TONSL: variants seen among roughly 807,000 people sequenced by gnomAD.
TONSL encodes tonsoku-like protein.
A neutral mutation model predicts 147.1 loss-of-function variants in TONSL; 112 were observed. The ratio of observed to expected loss-of-function variants is 0.76; its 90% CI spans 0.65 to 0.89. The LOEUF is 0.89. Ranked by LOEUF, TONSL falls within the 40% of genes least tolerant of loss-of-function variation. TONSL has a pLI of 0.00. For synonymous variants in TONSL, 868 were observed against 801.5 expected, an observed-to-expected ratio of 1.08 and a Z score of -1.40; for missense variants, 1,883 against 1,864.6, an observed-to-expected ratio of 1.01 and a Z score of -0.18.
At chr8:144,439,970 A>T in intron 11 of TONSL, 51 bp downstream of exon 11, 1 of 809,184 alleles carries the variant, frequency 1.2e-6, no homozygotes, top group Non-Finnish European at 2.2e-6. Flanking sequence ...ACCCCTCTCC[A>T]GCCCGGCCCA....
At chr8:144,434,963 C>G in intron 19 of TONSL, 54 bp downstream of exon 19, 1 of 1,610,990 alleles carries the variant, frequency 6.2e-7, no homozygotes, top group Non-Finnish European at 8.5e-7. Context: ...CCATGAGCCA[C>G]CCGGGGGCTC....
rs1554879248 is a variant in TONSL at position 144,433,713 on chromosome 8, C to T, written c.3434G>A (p.Cys1145Tyr). The part of the protein sequence containing the change: ...DLSMNPLGDG[C>Y]GQSLASLLHA... ...CAGGAGGGAGGCCAGGGACTGGCCACAGCCGTCCCCCAGGGGGTTCATGCT... is the reference window on the plus strand; with the variant it reads ...CAGGAGGGAGGCCAGGGACTGGCCATAGCCGTCCCCCAGGGGGTTCATGCT... Residue 1145 changes from cysteine (C) to tyrosine (Y), a missense_variant, in exon 22 of 26, where the codon TGT becomes TAT. Transcript: ENST00000409379. The T allele has an allele frequency of 6.2e-7, 1 of 1,608,006 alleles. No individual in the cohort carries two copies. The highest frequency in any genetic ancestry group is 8.5e-7 in the Non-Finnish European group (1 of 1,177,746).
rs762740073 is a variant in TONSL, at chr8:144,435,188, C to T, written c.2853-18G>A. 2 of 1,488,608 alleles carry T rather than the reference C, an allele frequency of 1.3e-6. No homozygotes were observed. Among genetic ancestry groups the T allele is most frequent in the Admixed American group, 2.2e-5 (1 of 44,606 alleles). 92.2% of individuals were successfully genotyped at this position (1,488,608 alleles called of 1,614,324 possible). The stretch of plus-strand genomic sequence containing the variant: ...TGTCACTGCTGCAGGGACAGAGGCG[C>T]TGCTGCTGCTGCCTGCACACAGCCG... On this transcript the variant is annotated intron_variant, in intron 18 of 25. Transcript: ENST00000409379.
At position 144,432,426 on chromosome 8, in the gene TONSL, G is replaced by A. The variant is rs148092586; in HGVS notation, c.3594C>T (p.Tyr1198=). The change falls in exon 23 of 26, where the codon TAC becomes TAT. Residue 1198 remains tyrosine, a synonymous_variant. Coordinates refer to ENST00000409379, the MANE Select transcript of TONSL (RefSeq NM_013432.5). The part of the protein sequence containing the change: ...AEHLKTLSLS[Y]NALGAPALAR... ...CCAGGGCAGGGGCTCCCAGGGCGTT[G>A]TAGGACAGGGACAGGGTCTTCAGGT... The A allele has an allele frequency of 4.2e-4, 670 of 1,580,366 alleles. No homozygotes were observed. Among genetic ancestry groups the A allele is most frequent in the Non-Finnish European group, 5.3e-4 (616 of 1,166,108 alleles).
At chr8:144,442,568 G>T in intron 5 of TONSL, 109 bp downstream of exon 5, 1 of 1,511,652 alleles carries the variant, frequency 6.6e-7, no homozygotes. Flanking sequence ...GGGGGGATGA[G>T]GCCCAGCCAG....
rs782563691 is a variant in TONSL at position 144,432,321 on chromosome 8, C to T, written c.3699G>A (p.Ser1233=). Residue 1233 remains serine (S), a synonymous_variant, in exon 23 of 26, where the codon TCG becomes TCA. Coordinates refer to ENST00000409379, the MANE Select transcript of TONSL (RefSeq NM_013432.5). ...ATCGGAATACAGGCTCCATGAGGTC[C>T]GAATCACCCTTGCCGGCTGCCACGG... ...LSSVAAGKGD[S]DLMEPVFRYL... The T allele has an allele frequency of 9.3e-6, 15 of 1,613,628 alleles. No individual in the cohort carries two copies. The highest frequency in any genetic ancestry group is 3.3e-4 in the Middle Eastern group (2 of 6,082).
At chr8:144,437,906 T>C (rs1586691255) in intron 13 of TONSL, among the ~76,000 whole-genome samples, 1 of 152,136 alleles carries the variant, frequency 6.6e-6, no homozygotes, top group Non-Finnish European at 1.5e-5. Flanking sequence ...GTACCCGGCC[T>C]GTGGCTTTTC....
chr8:144,430,265 T>G (rs1823127524), intron 25 of TONSL, 139 bp downstream of exon 25: 1 of 1,082,020 alleles, frequency 9.2e-7, no homozygotes. Flanking sequence ...CTCTGCCCCC[T>G]GCTGCCCCAG....
At chr8:144,441,827 T>C in intron 7 of TONSL, 1 of 535,874 alleles carries the variant, frequency 1.9e-6, no homozygotes, top group Non-Finnish European at 3.3e-6. Context: ...CCTGACACAC[T>C]GTGTTGAGCT....
chr8:144,442,029 A>G lies in TONSL; in HGVS notation c.865+8T>C. ...CTCCCAGGGCCCCATTCGCACCCCC[A>G]GGCTCACCATGCTGGAGGTTCTGAC... On this transcript the variant is annotated splice_region_variant and intron_variant, in intron 7 of 25. Coordinates refer to ENST00000409379, the MANE Select transcript of TONSL (RefSeq NM_013432.5). The G allele has an allele frequency of 6.2e-7, 1 of 1,611,772 alleles. No homozygotes were observed. Among genetic ancestry groups the G allele is most frequent in the East Asian group, 2.2e-5 (1 of 44,848 alleles).
Position 144,430,519 on chromosome 8 carries a change from G to C in TONSL, c.3828C>G (p.Pro1276=), listed in dbSNP as rs1554878425. The C allele has an allele frequency of 1.8e-5, 29 of 1,612,350 alleles. No individual in the cohort carries two copies. Among genetic ancestry groups the C allele is most frequent in the Non-Finnish European group, 2.4e-5 (28 of 1,179,264 alleles). ...CAGACAGATCCAGTGAGATGAGTGA[G>C]GGGCACAGAGAGAGACATCTGAGAT... The part of the protein sequence containing the change: ...RDLCRCLSLC[P]SLISLDLSAN... The change falls in exon 25 of 26, where the codon CCC becomes CCG. Residue 1276 remains proline (P), a synonymous_variant. Transcript: ENST00000409379.
rs1823408937 is a variant in TONSL, at chr8:144,435,530, G to A, written c.2796C>T (p.Pro932=). 2.6e-6 allele frequency: 4 copies of A among 1,551,166 alleles called. No individual in the cohort carries two copies. The highest frequency in any genetic ancestry group is 3.9e-5 in the Admixed American group (2 of 50,982). ...CCTGAACTTGAACTCGAACCCGGATGGGAGGGGGCGGGGCCGGACCCTGGC... is the reference window on the plus strand; with the variant it reads ...CCTGAACTTGAACTCGAACCCGGATAGGAGGGGGCGGGGCCGGACCCTGGC... ...GQPLGPAPPP[P]IRVRVQVQDH... is the part of the protein sequence containing the mutation. The change falls in exon 18 of 26, where the codon CCC becomes CCT. Residue 932 remains proline, a synonymous_variant. Coordinates refer to ENST00000409379, the MANE Select transcript of TONSL (RefSeq NM_013432.5).
In TONSL at chr8:144,433,572, T is replaced by C. The variant is rs1181015624; in HGVS notation, c.3559+16A>G. The C allele has an allele frequency of 6.2e-7, 1 of 1,611,918 alleles. No homozygotes were observed. The highest frequency in any genetic ancestry group is 1.3e-5 in the African/African-American group (1 of 74,822). The stretch of plus-strand genomic sequence containing the variant: ...CCAGGGCTAGGGAGTGGACAGGGAG[T>C]GCCTGGTCAGCTCACCTTGGAAAGC... On this transcript the variant is annotated intron_variant, in intron 22 of 25. Transcript: ENST00000409379.
At chr8:144,441,278 G>T in intron 7 of TONSL, 167 bp from the exon 8 acceptor site, 1 of 1,017,476 alleles carries the variant, frequency 9.8e-7, no homozygotes, top group Non-Finnish European at 1.4e-6. Context: ...CTGGTCTCAA[G>T]GGTCACAAGA....
At position 144,440,085 on chromosome 8, in the gene TONSL, C is replaced by T; in HGVS notation, c.1416G>A (p.Glu472=). Reference sequence around the variant, plus strand: ...CGCTCTCCGCTGTGGCTGCCGCCTCCTCCGCCTCCTCCTCCTCATCTTCAT... The same window carrying T: ...CGCTCTCCGCTGTGGCTGCCGCCTCTTCCGCCTCCTCCTCCTCATCTTCAT... ...AEDEDEEEEA[E]EAAATAESEA... is the part of the protein sequence containing the mutation. Residue 472 remains glutamate (E), a synonymous_variant, in exon 11 of 26, where the codon GAG becomes GAA. Coordinates refer to ENST00000409379, the MANE Select transcript of TONSL (RefSeq NM_013432.5). 1.9e-6 allele frequency: 3 copies of T among 1,605,722 alleles called. No homozygotes were observed. Among genetic ancestry groups the T allele is most frequent in the Non-Finnish European group, 2.6e-6 (3 of 1,174,104 alleles).
intron 20 of TONSL, 149 bp downstream of exon 20, chr8:144,434,662 C>G: frequency 2.4e-6 from 2 of 818,230 alleles, no homozygotes; most frequent in South Asian, 3.7e-5. Context: ...TCCACCCACA[C>G]ATCCAAGTGC....
chr8:144,429,151 G>T lies in TONSL; in HGVS notation c.4129C>A (p.Arg1377Ser). Residue 1377 changes from arginine (R) to serine (S), a missense_variant, in exon 26 of 26, where the codon CGC becomes AGC. Physicochemically the swap from Arg to Ser is moderately radical, Grantham distance 110. Transcript: ENST00000409379. ...GAAAGGCAGCGCCAGGGTCAGAGGC[G>T]CCGAAAGAAGAGCTTGGAGCCGTGG... ...LDHGSKLFFR[R>S]L 1 of 1,529,444 alleles carries T rather than the reference G, an allele frequency of 6.5e-7. No homozygotes were observed. Among genetic ancestry groups the T allele is most frequent in the Non-Finnish European group, 8.7e-7 (1 of 1,143,584 alleles). 94.7% of individuals were successfully genotyped at this position (1,529,444 alleles called of 1,614,324 possible). A position where few individuals can be genotyped will look rare whatever the true frequency, so the allele number is the denominator to read the frequency against.
At chr8:144,441,952 G>A (rs1823734167) in intron 7 of TONSL, 85 bp downstream of exon 7, 4 of 1,210,982 alleles carry the variant, frequency 3.3e-6, no homozygotes, top group Non-Finnish European at 4.8e-6. Flanking sequence ...AGAGAGCCCT[G>A]TACACACCTG....
chr8:144,440,834 C>T lies in TONSL; in HGVS notation c.1048G>A (p.Glu350Lys), dbSNP rs1325053830. 6.2e-7 allele frequency: 1 copy of T among 1,612,926 alleles called. No homozygotes were observed. Among genetic ancestry groups the T allele is most frequent in the South Asian group, 1.1e-5 (1 of 91,088 alleles). The stretch of plus-strand genomic sequence containing the variant: ...AGGGACACGTGGATGATGGCCCGCT[C>T]AGCACCCGGTCTGTCCAGCAGCTCA... Reference protein sequence around the residue: ...FAELLDRPGAERAIIHVSLAT... With the variant: ...FAELLDRPGAKRAIIHVSLAT... Residue 350 changes from glutamate to lysine, a missense_variant, in exon 9 of 26, where the codon GAG becomes AAG. Coordinates refer to ENST00000409379, the MANE Select transcript of TONSL (RefSeq NM_013432.5).
Sources: gnomAD v4.1 joint callset for allele counts (sites outside exome capture counted in the v4.1 genomes callset) on GRCh38, gnomAD v4.1.1 for gene constraint, MANE v1.5 for transcripts, NCBI Gene and HGNC (gene_info 2026-07-23, HGNC 2026-07-21) for gene names.